CDH12: variants seen among roughly 807,000 people sequenced by gnomAD.
CDH12 encodes cadherin 12, also known as cadherin-12.
A neutral mutation model predicts 74.1 loss-of-function variants in CDH12; 41 were observed. That is an observed-to-expected ratio of 0.55 (90% CI 0.43 to 0.72). The LOEUF (loss-of-function observed/expected upper bound fraction) is 0.72, where lower values mean the gene tolerates loss of function less well. Ranked by LOEUF, CDH12 falls within the 30% of genes least tolerant of loss-of-function variation. The pLI is 0.00. For synonymous variants in CDH12, 399 were observed against 355.0 expected (o/e 1.12, Z -1.39); for missense variants, 945 against 977.2 (o/e 0.97, Z 0.44).
intron 1 of CDH12, among the ~76,000 whole-genome samples, chr5:22,692,286 T>C (rs1360473416): frequency 1.3e-5 from 2 of 152,220 alleles, no homozygotes; most frequent in African/African-American, 2.4e-5. Flanking sequence ...TACAGAGCTA[T>C]GAGCCAAGTA....
At chr5:22,506,792 A>G (rs1416298038) in intron 1 of CDH12, among the ~76,000 whole-genome samples, 1 of 152,128 alleles carries the variant, frequency 6.6e-6, no homozygotes, top group Admixed American at 6.6e-5. Flanking sequence ...CTCTATATCT[A>G]TCAATCTGTA....
At chr5:22,449,238 A>G (rs545891251) in intron 2 of CDH12, among the ~76,000 whole-genome samples, 101 of 152,192 alleles carry the variant, frequency 6.6e-4, no homozygotes, top group African/African-American at 2.3e-3. Context: ...ACCCTTGAGC[A>G]CAATTGCACA....
At chr5:21,833,147 A>G (rs1490323353) in intron 8 of CDH12, among the ~76,000 whole-genome samples, 1 of 62,030 alleles carries the variant, frequency 1.6e-5, no homozygotes, top group Non-Finnish European at 2.5e-5. Context: ...TATATATTAT[A>G]TAACATATAA....
intron 4 of CDH12, among the ~76,000 whole-genome samples, chr5:22,098,680 C>A (rs1246372830): frequency 1.3e-5 from 2 of 152,130 alleles, no homozygotes; most frequent in Admixed American, 6.6e-5. Flanking sequence ...TGTTCCTGGC[C>A]CGGACTTCAA....
At chr5:22,755,704 A>G (rs1167256179) in intron 1 of CDH12, among the ~76,000 whole-genome samples, 1 of 152,218 alleles carries the variant, frequency 6.6e-6, no homozygotes, top group Non-Finnish European at 1.5e-5. Context: ...ATATTTTTAA[A>G]CTTTACTTGC....
intron 4 of CDH12, among the ~76,000 whole-genome samples, chr5:22,200,547 AC>A (rs1301320123): frequency 6.6e-6 from 1 of 152,194 alleles, no homozygotes; most frequent in African/African-American, 2.4e-5. Context: ...CAAGATATCT[AC>A]ATCATCCATA....
At chr5:22,713,708 G>A (rs2126978350) in intron 1 of CDH12, among the ~76,000 whole-genome samples, 1 of 151,970 alleles carries the variant, frequency 6.6e-6, no homozygotes, top group Non-Finnish European at 1.5e-5. Flanking sequence ...TAGATGGGAG[G>A]GTGTGTGTAT....
At chr5:22,230,466 T>C (rs551773813) in intron 3 of CDH12, among the ~76,000 whole-genome samples, 2 of 126,522 alleles carry the variant, frequency 1.6e-5, no homozygotes, top group East Asian at 4.9e-4. Context: ...AAAAAAGAGA[T>C]GTCATAATTT....
At chr5:22,138,843 G>GA (rs1746607859) in intron 4 of CDH12, among the ~76,000 whole-genome samples, 1 of 43,678 alleles carries the variant, frequency 2.3e-5, no homozygotes, top group Non-Finnish European at 5.0e-5. Context: ...ACATATATAC[G>GA]TAATATATAT....
At chr5:22,851,125 A>G (rs1205683320) in intron 1 of CDH12, among the ~76,000 whole-genome samples, 1 of 152,058 alleles carries the variant, frequency 6.6e-6, no homozygotes. Flanking sequence ...CCCATAAACT[A>G]AACACTGTTT....
intron 1 of CDH12, among the ~76,000 whole-genome samples, chr5:22,682,553 A>T (rs1470392612): frequency 6.6e-6 from 1 of 152,044 alleles, no homozygotes; most frequent in Non-Finnish European, 1.5e-5. Flanking sequence ...AACTCAGACT[A>T]TTCTAAAACT....
chr5:21,846,369 T>A (rs536853689), intron 7 of CDH12, among the ~76,000 whole-genome samples: 1 of 152,240 alleles, frequency 6.6e-6, no homozygotes, highest in African/African-American at 2.4e-5. Context: ...GTTCTTAACC[T>A]CACTCCCTGT....
intron 6 of CDH12, among the ~76,000 whole-genome samples, chr5:21,942,865 G>A: frequency 6.6e-6 from 1 of 152,262 alleles, no homozygotes; most frequent in Middle Eastern, 3.4e-3. Flanking sequence ...ACTAGTATGA[G>A]AAAAACAAGG....
At chr5:21,818,936 T>C (rs1748212955) in intron 8 of CDH12, among the ~76,000 whole-genome samples, 1 of 151,996 alleles carries the variant, frequency 6.6e-6, no homozygotes. Context: ...AGTAGTAATT[T>C]CTCATAGGGT....
chr5:21,971,049 G>T (rs1373994877), intron 6 of CDH12, among the ~76,000 whole-genome samples: 1 of 151,452 alleles, frequency 6.6e-6, no homozygotes, highest in East Asian at 1.9e-4. Flanking sequence ...TTTATTTTAG[G>T]TGTATCTTTT....
chr5:22,339,374 C>G (rs1739744998), intron 3 of CDH12, among the ~76,000 whole-genome samples: 2 of 152,124 alleles, frequency 1.3e-5, no homozygotes, highest in African/African-American at 4.8e-5. Flanking sequence ...AGGTAATATA[C>G]TTATATCATG....
chr5:22,011,279 T>C (rs1362647399), intron 5 of CDH12, among the ~76,000 whole-genome samples: 2 of 152,110 alleles, frequency 1.3e-5, no homozygotes. Flanking sequence ...ATTCAGATCT[T>C]ACAGAAGTGC....
intron 1 of CDH12, among the ~76,000 whole-genome samples, chr5:22,506,128 G>A (rs571099772): frequency 2.4e-4 from 36 of 152,118 alleles, no homozygotes; most frequent in East Asian, 1.2e-3. Context: ...CCACCGTTTC[G>A]TACTATAAAG....
intron 5 of CDH12, among the ~76,000 whole-genome samples, chr5:22,032,656 C>A (rs1738894746): frequency 6.7e-6 from 1 of 149,092 alleles, no homozygotes; most frequent in African/African-American, 2.5e-5. Context: ...TGCAGTGAGC[C>A]GAGATCGTGC....
Sources: allele counts gnomAD v4.1 joint callset (sites outside exome capture counted in the v4.1 genomes callset), GRCh38; gene constraint gnomAD v4.1.1; transcripts MANE v1.5; gene names NCBI Gene and HGNC (gene_info 2026-07-23, HGNC 2026-07-21).